FRMD5: variants seen among roughly 807,000 people sequenced by gnomAD.
FRMD5 encodes the protein FERM domain-containing protein 5.
FRMD5 carries 20 observed loss-of-function variants against 69.0 expected under a neutral mutation model. That is an observed-to-expected ratio of 0.29 (90% confidence interval 0.20 to 0.42). The LOEUF (loss-of-function observed/expected upper bound fraction) is 0.42, where lower values mean the gene tolerates loss of function less well. Ranked by LOEUF, FRMD5 falls within the 10% of genes least tolerant of loss-of-function variation. FRMD5 has a pLI of 1.00. For missense variants in FRMD5, 595 were observed against 708.6 expected (o/e 0.84, Z 1.82); for synonymous variants, 271 against 260.1 (o/e 1.04, Z -0.40).
intron 6 of FRMD5, among the ~76,000 whole-genome samples, chr15:43,904,857 G>T (rs1352231925): frequency 2.6e-5 from 4 of 151,968 alleles, no homozygotes; most frequent in African/African-American, 9.7e-5. Context: ...GCATATTCTG[G>T]GCAAAGTAAG....
chr15:44,137,442 C>G (rs1037486380), intron 1 of FRMD5, among the ~76,000 whole-genome samples: 1 of 152,192 alleles, frequency 6.6e-6, no homozygotes, highest in Non-Finnish European at 1.5e-5. Flanking sequence ...GCTCTGTGCC[C>G]TACCACCCTC....
At chr15:44,103,296 A>G (rs2076667510) in intron 1 of FRMD5, among the ~76,000 whole-genome samples, 1 of 152,174 alleles carries the variant, frequency 6.6e-6, no homozygotes, top group South Asian at 2.1e-4. Context: ...GGAAGAAGGA[A>G]TTAAATATTA....
chr15:43,937,855 G>A lies in FRMD5; in HGVS notation c.103-13546C>T, dbSNP rs115401190. 5.9e-3 allele frequency among the ~76,000 whole-genome samples: 892 copies of A among 152,136 alleles called. 11 individuals are homozygous for A. The highest frequency in any genetic ancestry group is 0.02 in the African/African-American group (839 of 41,502). On this transcript the variant is annotated intron_variant, in intron 1 of 13. Coordinates refer to ENST00000417257, the MANE Select transcript of FRMD5 (RefSeq NM_032892.5). The stretch of plus-strand genomic sequence containing the variant: ...AGTCTTTTATAAGCTTGTCTCAAGC[G>A]GTAACTGAATGTTGACCACTGCCAA...
intron 13 of FRMD5, among the ~76,000 whole-genome samples, chr15:43,881,463 C>T (rs1319801462): frequency 6.6e-6 from 1 of 152,150 alleles, no homozygotes; most frequent in East Asian, 1.9e-4. Flanking sequence ...CCATTCTTTG[C>T]ATAACAATTC....
At chr15:44,065,015 GAT>G (rs1893250140) in intron 1 of FRMD5, among the ~76,000 whole-genome samples, 1 of 152,188 alleles carries the variant, frequency 6.6e-6, no homozygotes, top group South Asian at 2.1e-4. Flanking sequence ...TATTAAAGAA[GAT>G]AGTGTAGCGG....
chr15:44,195,368 A>T (rs2078276076), upstream of FRMD5: 1 of 419,306 alleles, frequency 2.4e-6, no homozygotes, highest in African/African-American at 2.1e-5. Context: ...CGAGTGGCAG[A>T]CCGAAAAGCC....
chr15:44,180,450 T>C (rs529674872), intron 1 of FRMD5, among the ~76,000 whole-genome samples: 1 of 152,104 alleles, frequency 6.6e-6, no homozygotes, highest in South Asian at 2.1e-4. Flanking sequence ...GTCAGAAATA[T>C]TATTTTTAAA....
chr15:43,872,099 G>C lies in FRMD5; in HGVS notation c.*1786C>G, dbSNP rs1270702752. ...TGGCTGTTTTTGTGCTGTGATGGCA[G>C]AATTGAGCAGTTGTGACACAGTATG... On this transcript the variant is annotated 3_prime_UTR_variant, in exon 14 of 14. Transcript: ENST00000417257. The C allele has an allele frequency of 6.6e-6, 1 of 152,230 alleles. No homozygotes were observed. Among genetic ancestry groups the C allele is most frequent in the African/African-American group, 2.4e-5 (1 of 41,462 alleles). 9.4% of individuals were successfully genotyped at this position (152,230 alleles called of 1,614,324 possible). A position where few individuals can be genotyped will look rare whatever the true frequency, so the allele number is the denominator to read the frequency against.
At position 43,973,612 on chromosome 15, in the gene FRMD5, C is replaced by T. The variant is rs1316611537; in HGVS notation, c.103-49303G>A. Among the ~76,000 whole-genome samples the T allele has an allele frequency of 2.0e-5, 3 of 152,036 alleles. No individual in the cohort carries two copies. In the East Asian group the frequency reaches 5.8e-4, roughly 29 times the overall value. Reference sequence around the variant, plus strand: ...CGAACTCCTGACCCCAGATGATCCACCTGCCTTGGCCTCCCAAAGTGTTGG... The same window carrying T: ...CGAACTCCTGACCCCAGATGATCCATCTGCCTTGGCCTCCCAAAGTGTTGG... On this transcript the variant is annotated intron_variant, in intron 1 of 13. Transcript: ENST00000417257.
At chr15:44,154,984 T>TA (rs1222810311) in intron 1 of FRMD5, among the ~76,000 whole-genome samples, 1 of 152,068 alleles carries the variant, frequency 6.6e-6, no homozygotes, top group African/African-American at 2.4e-5. Flanking sequence ...GGTACTTCAC[T>TA]AAAAAAACTA....
intron 1 of FRMD5, among the ~76,000 whole-genome samples, chr15:44,100,156 T>A (rs1386558751): frequency 6.6e-6 from 1 of 150,754 alleles, no homozygotes; most frequent in East Asian, 1.9e-4. Flanking sequence ...CGGGTTCAAG[T>A]GATTCTCCTG....
rs2077805392 is a variant in FRMD5, at chr15:44,171,614, T to C, written c.102+23339A>G. On this transcript the variant is annotated intron_variant, in intron 1 of 13. Transcript: ENST00000417257. ...AATGATTAAAGTATATGACAACCTC[T>C]GAATTTCCAATGAGGTTGGGAATTG... 2.6e-5 allele frequency among the ~76,000 whole-genome samples: 4 copies of C among 152,234 alleles called. No individual in the cohort carries two copies. In the South Asian group the frequency reaches 8.3e-4, roughly 31 times the overall value.
At chr15:43,977,517 T>C (rs574493232) in intron 1 of FRMD5, among the ~76,000 whole-genome samples, 1 of 152,306 alleles carries the variant, frequency 6.6e-6, no homozygotes, top group South Asian at 2.1e-4. Context: ...CTCCTTGATG[T>C]GTTCCGTTAT....
intron 1 of FRMD5, among the ~76,000 whole-genome samples, chr15:44,100,283 C>G (rs917730196): frequency 2.0e-5 from 3 of 151,494 alleles, no homozygotes; most frequent in African/African-American, 7.3e-5. Context: ...TCTTGAGCTC[C>G]TGACCTCAGG....
In FRMD5 at chr15:43,927,754, T is replaced by G. The variant is rs192611238; in HGVS notation, c.103-3445A>C. Among the ~76,000 whole-genome samples the G allele has an allele frequency of 2.2e-3, 339 of 151,734 alleles. 1 individual carries two copies. Among genetic ancestry groups the G allele is most frequent in the Non-Finnish European group, 3.7e-3 (254 of 67,870 alleles). On this transcript the variant is annotated intron_variant, in intron 1 of 13. Transcript: ENST00000417257. Reference sequence around the variant, plus strand: ...TGCTTTTTTTTTTTTAATGAAAAAATGTTTTTCACAAACACTACTACAGTA... The same window carrying G: ...TGCTTTTTTTTTTTTAATGAAAAAAGGTTTTTCACAAACACTACTACAGTA...
At chr15:44,149,960 C>T (rs2077417499) in intron 1 of FRMD5, among the ~76,000 whole-genome samples, 1 of 152,154 alleles carries the variant, frequency 6.6e-6, no homozygotes, top group African/African-American at 2.4e-5. Context: ...GATTATACAA[C>T]ATAACCAAGT....
At chr15:44,114,094 A>G (rs1400421435) in intron 1 of FRMD5, among the ~76,000 whole-genome samples, 3 of 151,406 alleles carry the variant, frequency 2.0e-5, no homozygotes, top group East Asian at 1.9e-4. Context: ...GGTATTTCAG[A>G]AAAAAAAATG....
intron 1 of FRMD5, among the ~76,000 whole-genome samples, chr15:44,043,523 T>C (rs1892295448): frequency 6.6e-6 from 1 of 152,134 alleles, no homozygotes. Flanking sequence ...GACTTCAAAC[T>C]ATACTACAAG....
At chr15:43,881,047 A>G (rs1236840270) in intron 13 of FRMD5, among the ~76,000 whole-genome samples, 1 of 152,178 alleles carries the variant, frequency 6.6e-6, no homozygotes, top group East Asian at 1.9e-4. Context: ...TTGTCTCTAC[A>G]CAGAGAGCCT....
Sources: gnomAD v4.1 joint callset for allele counts (sites outside exome capture counted in the v4.1 genomes callset) on GRCh38, gnomAD v4.1.1 for gene constraint, MANE v1.5 for transcripts, NCBI Gene and HGNC (gene_info 2026-07-23, HGNC 2026-07-21) for gene names.